MSRB1: variants seen among roughly 807,000 people sequenced by gnomAD.
MSRB1 encodes methionine sulfoxide reductase B1.
MSRB1 carries 13 observed loss-of-function variants against 15.2 expected under a neutral mutation model. That is an observed-to-expected ratio of 0.86 (90% CI 0.56 to 1.36). The LOEUF is 1.36. Ranked by LOEUF, MSRB1 falls within the 40% of genes most tolerant of loss-of-function variation. The pLI, the probability that MSRB1 is intolerant of heterozygous loss-of-function variation, is 0.00. For synonymous variants in MSRB1, 68 were observed against 64.5 expected (o/e 1.05, Z -0.26); for missense variants, 174 against 155.9 (o/e 1.12, Z -0.62).
intron 1 of MSRB1, 135 bp from the exon 2 acceptor site, chr16:1,941,540 C>G: frequency 4.7e-6 from 6 of 1,264,242 alleles, no homozygotes; most frequent in Non-Finnish European, 6.4e-6. Flanking sequence ...CCCCAGGCAC[C>G]CGCCACGGGA....
At position 1,939,140 on chromosome 16, in the gene MSRB1, T is replaced by C. The variant is rs753239717; in HGVS notation, c.323A>G (p.Lys108Arg). ...SSSLKFVPKG[K>R]ETSASQGH is the part of the protein sequence containing the mutation. ...GTGACCCTGGGAGGCAGAAGTTTCT[T>C]TGCCTGAAAGAGAGGAGAGGGGGCG... is the stretch of plus-strand genomic sequence containing the variant. The change falls in exon 4 of 4, where the codon AAA (lysine) becomes AGA (arginine). Residue 108 changes from lysine (K) to arginine (R), a missense_variant. Coordinates refer to ENST00000361871, the MANE Select transcript of MSRB1 (RefSeq NM_016332.4). 1 of 1,606,674 alleles carries C rather than the reference T, an allele frequency of 6.2e-7. No homozygotes were observed. The highest frequency in any genetic ancestry group is 8.5e-7 in the Non-Finnish European group (1 of 1,177,638).
In MSRB1 at chr16:1,939,703, C is replaced by T. The variant is rs141420936; in HGVS notation, c.320-560G>A. The stretch of plus-strand genomic sequence containing the variant: ...GTGCGGTAGCTCACGCCTATAATCC[C>T]GGCACTTTGGGAGGTTGAGACAGGC... On this transcript the variant is annotated intron_variant, in intron 3 of 3. Coordinates refer to ENST00000361871, the MANE Select transcript of MSRB1 (RefSeq NM_016332.4). 6.6e-3 allele frequency among the ~76,000 whole-genome samples: 1,001 copies of T among 152,200 alleles called. 13 individuals carry two copies. Among genetic ancestry groups the T allele is most frequent in the African/African-American group, 0.023 (942 of 41,522 alleles).
chr16:1,939,056 T>A lies in MSRB1; in HGVS notation c.*56A>T. On this transcript the variant is annotated 3_prime_UTR_variant, in exon 4 of 4. Transcript: ENST00000361871. ...CCAGGGTTCCAACTCCAAGGTGGAA[T>A]GGCCAACGTGTGGCCTCAGTGTGGT... The A allele has an allele frequency of 6.2e-7, 1 of 1,605,306 alleles. No homozygotes were observed. The highest frequency in any genetic ancestry group is 8.5e-7 in the Non-Finnish European group (1 of 1,173,794).
intron 1 of MSRB1, 127 bp downstream of exon 1, chr16:1,942,975 T>A (rs557982819): frequency 5.3e-6 from 7 of 1,328,308 alleles, no homozygotes; most frequent in Non-Finnish European, 7.2e-6. Context: ...TGTTCGCTTC[T>A]CCCCGGCAGC....
intron 1 of MSRB1, among the ~76,000 whole-genome samples, chr16:1,942,742 G>T (rs1266071377): frequency 6.6e-6 from 1 of 152,210 alleles, no homozygotes; most frequent in Non-Finnish European, 1.5e-5. Flanking sequence ...CCGAAGCCCC[G>T]ACCCTAACCC....
chr16:1,943,080 A>G lies in MSRB1; in HGVS notation c.55+22T>C, dbSNP rs1436177872. On this transcript the variant is annotated intron_variant, in intron 1 of 3. Coordinates refer to ENST00000361871, the MANE Select transcript of MSRB1 (RefSeq NM_016332.4). ...GCGCCCCCCGCCGCGCTGCCCTCCC[A>G]GCGAGAGGCCGCAGGACCAACCAGG... 7 of 1,551,880 alleles carry G rather than the reference A, an allele frequency of 4.5e-6. No individual in the cohort carries two copies. In the African/African-American group the frequency reaches 6.8e-5, roughly 15 times the overall value.
chr16:1,938,930 T>C lies in MSRB1; in HGVS notation c.*182A>G. ...GCAGAAGGCATGAACCATCAGCAAA[T>C]GAGTCTCTTTTCCAAGAAACGAAAA... On this transcript the variant is annotated 3_prime_UTR_variant, in exon 4 of 4. Transcript: ENST00000361871. 1.2e-6 allele frequency: 1 copy of C among 816,578 alleles called. No individual in the cohort carries two copies. Among genetic ancestry groups the C allele is most frequent in the African/African-American group, 1.7e-5 (1 of 57,988 alleles). The allele number at this position is 816,578 out of a possible 1,614,324, so 50.6% of individuals were successfully genotyped here.
At chr16:1,941,514 G>A (rs1003013946) in intron 1 of MSRB1, 109 bp from the exon 2 acceptor site, 18 of 1,428,386 alleles carry the variant, frequency 1.3e-5, no homozygotes, top group Non-Finnish European at 1.7e-5. Context: ...CGTTCCGAGG[G>A]TAGGCTGTGC....
chr16:1,938,942 C>G lies in MSRB1; in HGVS notation c.*170G>C. On this transcript the variant is annotated 3_prime_UTR_variant, in exon 4 of 4. Coordinates refer to ENST00000361871, the MANE Select transcript of MSRB1 (RefSeq NM_016332.4). ...AACCATCAGCAAATGAGTCTCTTTTCCAAGAAACGAAAAGGTCTTGTTCAG... is the reference window on the plus strand; with the variant it reads ...AACCATCAGCAAATGAGTCTCTTTTGCAAGAAACGAAAAGGTCTTGTTCAG... 1.1e-6 allele frequency: 1 copy of G among 899,760 alleles called. No individual in the cohort carries two copies. The highest frequency in any genetic ancestry group is 1.7e-6 in the Non-Finnish European group (1 of 573,016). 55.7% of individuals were successfully genotyped at this position (899,760 alleles called of 1,614,324 possible). A position where few individuals can be genotyped will look rare whatever the true frequency, so the allele number is the denominator to read the frequency against.
At position 1,940,784 on chromosome 16, in the gene MSRB1, G is replaced by A; in HGVS notation, c.313C>T (p.Pro105Ser). Residue 105 changes from proline to serine, a missense_variant, in exon 3 of 4, where the codon CCT (proline) becomes TCT (serine). Physicochemically the swap from Pro to Ser is moderately conservative, Grantham distance 74. Transcript: ENST00000361871. ...CTGTGCAAAGCAAGCTCACCTTTAG[G>A]GACAAACTTCAGCGAGCTGCTGAAT... ...UIFSSSLKFV[P>S]KGKETSASQG... The A allele has an allele frequency of 6.2e-7, 1 of 1,613,262 alleles. No homozygotes were observed. Among genetic ancestry groups the A allele is most frequent in the Non-Finnish European group, 8.5e-7 (1 of 1,179,348 alleles).
At chr16:1,941,481 CCAGGCAAAGA>C in intron 1 of MSRB1, 76 bp from the exon 2 acceptor site, 7 of 1,501,984 alleles carry the variant, frequency 4.7e-6, no homozygotes, top group Non-Finnish European at 6.2e-6. Flanking sequence ...ATCCACCAAC[CCAGGCAAAGA>C]CAGCGCTGCC....
intron 2 of MSRB1, 89 bp from the exon 3 acceptor site, chr16:1,940,981 T>C (rs1426161794): frequency 1.3e-6 from 2 of 1,587,660 alleles, no homozygotes; most frequent in Admixed American, 1.8e-5. Context: ...ATGGTGTTTC[T>C]TCCCACACGC....
At chr16:1,940,931 A>G (rs2150856852) in intron 2 of MSRB1, 39 bp from the exon 3 acceptor site, 1 of 1,613,338 alleles carries the variant, frequency 6.2e-7, no homozygotes, top group Non-Finnish European at 8.5e-7. Context: ...GCTTCTGGCC[A>G]TGATACAGCC....
intron 3 of MSRB1, among the ~76,000 whole-genome samples, chr16:1,939,760 C>T (rs1024408891): frequency 6.6e-6 from 1 of 152,114 alleles, no homozygotes; most frequent in African/African-American, 2.4e-5. Context: ...TCCAGACCAG[C>T]CTGGCTAACA....
chr16:1,942,641 G>A (rs1384364242), intron 1 of MSRB1, among the ~76,000 whole-genome samples: 1 of 152,260 alleles, frequency 6.6e-6, no homozygotes, highest in Non-Finnish European at 1.5e-5. Context: ...GGACTCGGGG[G>A]AATGGGAAGG....
In MSRB1 at chr16:1,940,857, G is replaced by A. The variant is rs371734249; in HGVS notation, c.240C>T (p.His80=). The A allele has an allele frequency of 1.6e-4, 255 of 1,614,036 alleles. No homozygotes were observed. Among genetic ancestry groups the A allele is most frequent in the Admixed American group, 2.0e-4 (12 of 60,010 alleles). The change falls in exon 3 of 4, where the codon CAC becomes CAT. Residue 80 remains histidine, a synonymous_variant. Transcript: ENST00000361871. ...SCGKCGNGLG[H]EFLNDGPKPG... is the part of the protein sequence containing the mutation. Reference sequence around the variant, plus strand: ...GCTTGGGGCCGTCGTTCAGGAACTCGTGGCCCAACCCATTGCCACACTTGC... The same window carrying A: ...GCTTGGGGCCGTCGTTCAGGAACTCATGGCCCAACCCATTGCCACACTTGC...
rs758397375 is a variant in MSRB1, at chr16:1,940,989, C to T, written c.205-97G>A. The T allele has an allele frequency of 2.3e-5, 36 of 1,579,062 alleles. No homozygotes were observed. The African/African-American group carries it at 2.4e-4, about 11-fold the overall frequency. On this transcript the variant is annotated intron_variant, in intron 2 of 3. Coordinates refer to ENST00000361871, the MANE Select transcript of MSRB1 (RefSeq NM_016332.4). ...CTGGCAGATGGTGTTTCTTCCCACA[C>T]GCCTATTTCCCAAGCTGACCGCCGA...
chr16:1,939,434 T>C (rs2083061022), intron 3 of MSRB1, among the ~76,000 whole-genome samples: 1 of 151,992 alleles, frequency 6.6e-6, no homozygotes, highest in Non-Finnish European at 1.5e-5. Flanking sequence ...GGAGGACAAA[T>C]AACAACAAAA....
intron 2 of MSRB1, 110 bp downstream of exon 2, chr16:1,941,147 G>C (rs1433902720): frequency 6.4e-7 from 1 of 1,557,824 alleles, no homozygotes; most frequent in South Asian, 1.2e-5. Flanking sequence ...GCCTGGAATA[G>C]ACGCCTCTAA....
Sources: allele counts gnomAD v4.1 joint callset (sites outside exome capture counted in the v4.1 genomes callset), GRCh38; gene constraint gnomAD v4.1.1; transcripts MANE v1.5; gene names NCBI Gene and HGNC (gene_info 2026-07-23, HGNC 2026-07-21).